GRIA1: variants seen among roughly 807,000 people sequenced by gnomAD.
GRIA1 encodes glutamate receptor 1.
In GRIA1, 31 loss-of-function variants were observed where a neutral mutation model predicts 99.2. The ratio of observed to expected loss-of-function variants is 0.31; its 90% CI spans 0.23 to 0.42. The LOEUF is 0.42. Among genes scored for constraint, GRIA1 ranks in the 10% least tolerant of loss-of-function variants. The probability of loss-of-function intolerance (pLI) is 1.00; values close to 1 mark genes in which losing one functional copy is unlikely to be tolerated. For synonymous variants in GRIA1, 438 were observed against 432.4 expected, an observed-to-expected ratio of 1.01 and a Z score of -0.16; for missense variants, 782 against 1,157.5, an observed-to-expected ratio of 0.68 and a Z score of 4.71.
rs1433996856 is a variant in GRIA1, at chr5:153,812,301, GA to G, written c.*1080del. ...AATGCTAAGCAAGCTAAGTGTAAAA[GA>G]AAAGTGACAGAATAATTTTGGAAGA... On this transcript the variant is annotated 3_prime_UTR_variant, in exon 16 of 16. Coordinates refer to ENST00000285900, the MANE Select transcript of GRIA1 (RefSeq NM_000827.4). The G allele has an allele frequency of 1.3e-5, 2 of 152,144 alleles. No individual in the cohort carries two copies. The highest frequency in any genetic ancestry group is 4.8e-5 in the African/African-American group (2 of 41,426). The allele number at this position is 152,144 out of a possible 1,614,324, so 9.4% of individuals were successfully genotyped here.
chr5:153,694,033 C>T (rs1007463922), intron 8 of GRIA1, among the ~76,000 whole-genome samples: 1 of 152,180 alleles, frequency 6.6e-6, no homozygotes, highest in African/African-American at 2.4e-5. Flanking sequence ...TATCTCCCTA[C>T]AAAAGAGTTA....
chr5:153,667,065 T>C (rs1234517036), intron 5 of GRIA1, among the ~76,000 whole-genome samples: 2 of 152,250 alleles, frequency 1.3e-5, no homozygotes, highest in Non-Finnish European at 1.5e-5. Context: ...AATGGAGCTG[T>C]CATCTAAGAT....
At chr5:153,501,835 G>C (rs1485084065) in intron 2 of GRIA1, among the ~76,000 whole-genome samples, 1 of 152,202 alleles carries the variant, frequency 6.6e-6, no homozygotes, top group Non-Finnish European at 1.5e-5. Flanking sequence ...GAGATTGGAG[G>C]CTGATCCAGT....
Position 153,811,569 on chromosome 5 carries a change from AGTTGTTAGTGTGTCTTAGTG to A in GRIA1, c.*345_*364del, listed in dbSNP as rs1398561884. On this transcript the variant is annotated 3_prime_UTR_variant, in exon 16 of 16. Coordinates refer to ENST00000285900, the MANE Select transcript of GRIA1 (RefSeq NM_000827.4). ...AAACTGCACTGTTTTATTTTAATTC[AGTTGTTAGTGTGTCTTAGTG>A]TGTGCAATTTTTTTTCTTACTAATA... The A allele has an allele frequency of 3.7e-6, 1 of 270,110 alleles. No individual in the cohort carries two copies. Among genetic ancestry groups the A allele is most frequent in the African/African-American group, 2.2e-5 (1 of 45,614 alleles). 16.7% of individuals were successfully genotyped at this position (270,110 alleles called of 1,614,324 possible).
At chr5:153,504,625 G>A (rs1156999774) in intron 2 of GRIA1, among the ~76,000 whole-genome samples, 1 of 152,036 alleles carries the variant, frequency 6.6e-6, no homozygotes, top group Non-Finnish European at 1.5e-5. Context: ...GTCAGGACAG[G>A]CAAAAGGTCT....
chr5:153,768,310 G>A (rs899115666), intron 12 of GRIA1, among the ~76,000 whole-genome samples: 1 of 152,080 alleles, frequency 6.6e-6, no homozygotes, highest in Non-Finnish European at 1.5e-5. Context: ...TAAAGAATCA[G>A]ATACTTCCAG....
At chr5:153,507,438 A>G (rs1457336594) in intron 2 of GRIA1, among the ~76,000 whole-genome samples, 1 of 152,128 alleles carries the variant, frequency 6.6e-6, no homozygotes, top group African/African-American at 2.4e-5. Context: ...ATTCCAGCCT[A>G]TACATTCTGA....
chr5:153,537,185 G>T (rs988507637), intron 2 of GRIA1, among the ~76,000 whole-genome samples: 1 of 152,150 alleles, frequency 6.6e-6, no homozygotes, highest in African/African-American at 2.4e-5. Context: ...ATTATAAACT[G>T]CATAAGGAAA....
intron 10 of GRIA1, among the ~76,000 whole-genome samples, chr5:153,704,701 C>G (rs1429090715): frequency 2.0e-5 from 3 of 152,222 alleles, no homozygotes; most frequent in Non-Finnish European, 4.4e-5. Flanking sequence ...GCCAGAGCAA[C>G]CTGTCAAAGT....
chr5:153,731,086 C>A (rs6580034), intron 11 of GRIA1, among the ~76,000 whole-genome samples: 1 of 151,442 alleles, frequency 6.6e-6, no homozygotes, highest in African/African-American at 2.4e-5. Context: ...CTTTAACCAC[C>A]TTGATCAGAC....
intron 2 of GRIA1, among the ~76,000 whole-genome samples, chr5:153,599,089 A>T (rs1764668882): frequency 6.6e-6 from 1 of 152,058 alleles, no homozygotes. Flanking sequence ...TCACCCTGTT[A>T]GCCAGGATGG....
chr5:153,522,404 C>T (rs1024753690), intron 2 of GRIA1, among the ~76,000 whole-genome samples: 7 of 152,138 alleles, frequency 4.6e-5, no homozygotes, highest in African/African-American at 1.4e-4. Context: ...TGGAGAGGGA[C>T]ATTGAACTCA....
At chr5:153,650,577 C>T in intron 4 of GRIA1, 63 bp downstream of exon 4, 1 of 1,511,676 alleles carries the variant, frequency 6.6e-7, no homozygotes, top group Non-Finnish European at 9.0e-7. Context: ...GCCAGACACA[C>T]TTTTGCCTTG....
At chr5:153,535,584 A>G (rs1758489323) in intron 2 of GRIA1, among the ~76,000 whole-genome samples, 1 of 152,242 alleles carries the variant, frequency 6.6e-6, no homozygotes, top group African/African-American at 2.4e-5. Flanking sequence ...TAGGTGAGTA[A>G]TGTGAATGTG....
At chr5:153,798,041 C>A (rs1230765118) in intron 14 of GRIA1, among the ~76,000 whole-genome samples, 2 of 152,180 alleles carry the variant, frequency 1.3e-5, no homozygotes, top group Non-Finnish European at 2.9e-5. Flanking sequence ...TGTCAAAGGT[C>A]ATTTGGTCCA....
chr5:153,556,398 C>T (rs1383076641), intron 2 of GRIA1, among the ~76,000 whole-genome samples: 1 of 152,168 alleles, frequency 6.6e-6, no homozygotes, highest in South Asian at 2.1e-4. Context: ...CAGCAAGATC[C>T]GGAAGCTAAA....
chr5:153,595,095 CTCTTT>C (rs1243438248), intron 2 of GRIA1, among the ~76,000 whole-genome samples: 2 of 152,058 alleles, frequency 1.3e-5, no homozygotes, highest in African/African-American at 2.4e-5. Context: ...CTTCTCTTCC[CTCTTT>C]TAAGTTTCTC....
intron 2 of GRIA1, among the ~76,000 whole-genome samples, chr5:153,590,641 A>C (rs17114851): frequency 0.017 from 2,630 of 152,128 alleles, 91 homozygotes; most frequent in African/African-American, 0.059. Flanking sequence ...GGCTTTGTGG[A>C]AATGATACCA....
intron 2 of GRIA1, among the ~76,000 whole-genome samples, chr5:153,646,481 G>A (rs1391900006): frequency 6.6e-6 from 1 of 152,144 alleles, no homozygotes; most frequent in African/African-American, 2.4e-5. Flanking sequence ...CCTTGAATAT[G>A]TTCATTAAAT....
Sources: gnomAD v4.1 joint callset for allele counts (sites outside exome capture counted in the v4.1 genomes callset) on GRCh38, gnomAD v4.1.1 for gene constraint, MANE v1.5 for transcripts, NCBI Gene and HGNC (gene_info 2026-07-23, HGNC 2026-07-21) for gene names.